The following GPC5 variants were observed in gnomAD, a reference collection of about 807,000 sequenced individuals.
The protein encoded by GPC5 is glypican-5.
In GPC5, 47 loss-of-function variants were observed where a neutral mutation model predicts 53.9. That is an observed-to-expected ratio of 0.87 (90% CI 0.69 to 1.11). The LOEUF (loss-of-function observed/expected upper bound fraction) is 1.11, where lower values mean the gene tolerates loss of function less well. Among genes scored for constraint, GPC5 ranks in the 50% most tolerant of loss-of-function variants. The pLI, the probability that GPC5 is intolerant of heterozygous loss-of-function variation, is 0.00. For synonymous variants in GPC5, 286 were observed against 263.3 expected (o/e 1.09, Z -0.84); for missense variants, 748 against 713.1 (o/e 1.05, Z -0.56).
chr13:92,430,117 GA>G (rs1008005127), intron 7 of GPC5, among the ~76,000 whole-genome samples: 142 of 148,940 alleles, frequency 9.5e-4, no homozygotes, highest in African/African-American at 3.4e-3. Flanking sequence ...AAAAAATTTA[GA>G]AAAAAAAATT....
At chr13:91,725,423 C>A (rs1178585695) in intron 3 of GPC5, among the ~76,000 whole-genome samples, 3 of 152,134 alleles carry the variant, frequency 2.0e-5, no homozygotes, top group South Asian at 4.2e-4. Flanking sequence ...CAAATTGGCT[C>A]ACCTCTAGGG....
chr13:91,574,377 G>A (rs2032054973), intron 2 of GPC5, among the ~76,000 whole-genome samples: 1 of 152,104 alleles, frequency 6.6e-6, no homozygotes, highest in Non-Finnish European at 1.5e-5. Flanking sequence ...CGAGGTAGAA[G>A]AGAGTCAGGT....
At chr13:92,634,435 T>C (rs1885351418) in intron 7 of GPC5, among the ~76,000 whole-genome samples, 1 of 152,106 alleles carries the variant, frequency 6.6e-6, no homozygotes, top group African/African-American at 2.4e-5. Flanking sequence ...TTTGTCTTTA[T>C]TCAGTAATCT....
intron 7 of GPC5, among the ~76,000 whole-genome samples, chr13:92,203,739 T>A: frequency 7.5e-6 from 1 of 133,972 alleles, no homozygotes. Context: ...GACTTTAACT[T>A]CCAAAAACTT....
At chr13:92,516,664 T>A (rs1000513676) in intron 7 of GPC5, among the ~76,000 whole-genome samples, 1 of 152,162 alleles carries the variant, frequency 6.6e-6, no homozygotes, top group Non-Finnish European at 1.5e-5. Context: ...TTAATTATCA[T>A]CTATATATTC....
intron 7 of GPC5, among the ~76,000 whole-genome samples, chr13:92,295,069 A>T (rs2043025318): frequency 6.6e-6 from 1 of 151,744 alleles, no homozygotes. Flanking sequence ...TCCTCAGGTG[A>T]TATACCTGCC....
intron 2 of GPC5, among the ~76,000 whole-genome samples, chr13:91,572,609 C>A (rs1032586791): frequency 6.6e-6 from 1 of 151,924 alleles, no homozygotes; most frequent in South Asian, 2.1e-4. Context: ...ACTAACAGAG[C>A]AAGAATGAAA....
chr13:91,739,989 C>CCTTG (rs2036895654), intron 4 of GPC5, among the ~76,000 whole-genome samples: 2 of 151,198 alleles, frequency 1.3e-5, no homozygotes, highest in African/African-American at 2.5e-5. Context: ...GAGGCTTGCC[C>CCTTG]CTTGCTTCAA....
At chr13:92,138,975 C>T (rs1177631197) in intron 6 of GPC5, among the ~76,000 whole-genome samples, 2 of 151,816 alleles carry the variant, frequency 1.3e-5, no homozygotes, top group East Asian at 3.9e-4. Flanking sequence ...TCCTATATTC[C>T]AGATTTATAA....
chr13:92,563,580 G>A (rs1183484262), intron 7 of GPC5, among the ~76,000 whole-genome samples: 1 of 151,974 alleles, frequency 6.6e-6, no homozygotes, highest in Non-Finnish European at 1.5e-5. Context: ...ACATATATTA[G>A]TCTGTGCTAA....
At chr13:92,598,846 G>A (rs9523725) in intron 7 of GPC5, among the ~76,000 whole-genome samples, 91,571 of 151,982 alleles carry the variant, frequency 0.6, 29,667 homozygotes, top group East Asian at 0.87. Flanking sequence ...GCGAAAACTC[G>A]TCTCTACTAA....
At chr13:92,067,540 A>G (rs565098458) in intron 6 of GPC5, among the ~76,000 whole-genome samples, 1 of 152,164 alleles carries the variant, frequency 6.6e-6, no homozygotes, top group Non-Finnish European at 1.5e-5. Context: ...CTGGAGGAAA[A>G]AATTCCAAGC....
intron 6 of GPC5, among the ~76,000 whole-genome samples, chr13:92,085,678 G>T (rs946958055): frequency 6.6e-6 from 1 of 152,176 alleles, no homozygotes; most frequent in African/African-American, 2.4e-5. Context: ...GGAGCCCTGA[G>T]CTTGTTTTCC....
intron 6 of GPC5, among the ~76,000 whole-genome samples, chr13:91,944,448 C>T (rs116846463): frequency 0.032 from 4,939 of 152,216 alleles, 123 homozygotes; most frequent in Middle Eastern, 0.085. Flanking sequence ...TGTGTTCATA[C>T]TATTATGGGC....
At position 92,383,722 on chromosome 13, in the gene GPC5, A is replaced by C. The variant is rs1266695381; in HGVS notation, c.1561+238733A>C. Among the ~76,000 whole-genome samples the C allele has an allele frequency of 3.9e-5, 6 of 152,324 alleles. No individual in the cohort carries two copies. In the East Asian group the frequency reaches 5.8e-4, roughly 15 times the overall value. ...AGCAAAGCCTGCTTTCAAGCACATG[A>C]GAAAGATACATCAATTAATGACTCA... On this transcript the variant is annotated intron_variant, in intron 7 of 7. Transcript: ENST00000377067.
chr13:91,617,968 A>G (rs2033743414), intron 2 of GPC5, among the ~76,000 whole-genome samples: 1 of 152,108 alleles, frequency 6.6e-6, no homozygotes, highest in Admixed American at 6.6e-5. Flanking sequence ...CATATGTCAC[A>G]AAATATTCTC....
chr13:91,539,930 C>T (rs1056824850), intron 2 of GPC5, among the ~76,000 whole-genome samples: 29 of 151,776 alleles, frequency 1.9e-4, no homozygotes, highest in African/African-American at 6.3e-4. Context: ...ATAATGGGGA[C>T]GTGTTTGCTT....
intron 7 of GPC5, among the ~76,000 whole-genome samples, chr13:92,647,954 T>G (rs1449823525): frequency 6.6e-6 from 1 of 152,116 alleles, no homozygotes; most frequent in Non-Finnish European, 1.5e-5. Flanking sequence ...ATTATTATTA[T>G]GATTTACATG....
intron 7 of GPC5, among the ~76,000 whole-genome samples, chr13:92,779,964 G>A (rs1325349705): frequency 1.3e-5 from 2 of 152,000 alleles, no homozygotes; most frequent in East Asian, 1.9e-4. Context: ...AAATCAGGAC[G>A]TTTTCAGTTG....
Sources: gnomAD v4.1 joint callset for allele counts (sites outside exome capture counted in the v4.1 genomes callset) on GRCh38, gnomAD v4.1.1 for gene constraint, MANE v1.5 for transcripts, NCBI Gene and HGNC (gene_info 2026-07-23, HGNC 2026-07-21) for gene names.